Variants in C4BPA observed in about 807,000 individuals in gnomAD.
The protein encoded by C4BPA is complement component 4 binding protein alpha, also known as C4b-binding protein alpha chain.
A neutral mutation model predicts 63.7 loss-of-function variants in C4BPA; 31 were observed. The observed-to-expected ratio is 0.49, with a 90% CI of 0.37 to 0.66. C4BPA has a LOEUF of 0.66. Among genes scored for constraint, C4BPA ranks in the 30% least tolerant of loss-of-function variants. C4BPA has a pLI of 0.00. For synonymous variants in C4BPA, 259 were observed against 254.7 expected (o/e 1.02, Z -0.16); for missense variants, 572 against 723.3 (o/e 0.79, Z 2.40).
chr1:207,141,404 A>G, intron 10 of C4BPA, 128 bp downstream of exon 10: 1 of 649,408 alleles, frequency 1.5e-6, no homozygotes, highest in South Asian at 2.7e-5. Flanking sequence ...TAAATAATCA[A>G]TATATGCAAA....
rs1447497564 is a variant in C4BPA, at chr1:207,126,903, T to A, written c.889+8T>A. ...CTCCTGCTTGTGAGCCCAGTAAGTA[T>A]GGACTGTGACAGAATTTCAATGTTT... On this transcript the variant is annotated splice_region_variant and intron_variant, in intron 7 of 11. Coordinates refer to ENST00000367070, the MANE Select transcript of C4BPA (RefSeq NM_000715.4). The A allele has an allele frequency of 6.2e-7, 1 of 1,608,126 alleles. No homozygotes were observed. The highest frequency in any genetic ancestry group is 1.3e-5 in the African/African-American group (1 of 74,940).
chr1:207,125,125 G>C (rs1292065887), intron 6 of C4BPA, among the ~76,000 whole-genome samples: 1 of 152,160 alleles, frequency 6.6e-6, no homozygotes, highest in African/African-American at 2.4e-5. Flanking sequence ...ACCCACCACA[G>C]GACACAATCA....
At chr1:207,109,794 T>G (rs776478221) in intron 1 of C4BPA, among the ~76,000 whole-genome samples, 11 of 152,228 alleles carry the variant, frequency 7.2e-5, no homozygotes, top group African/African-American at 2.7e-4. Flanking sequence ...CCTTGACTAG[T>G]TGATGATATG....
chr1:207,130,540 C>G (rs1286385402), intron 7 of C4BPA, among the ~76,000 whole-genome samples: 1 of 152,044 alleles, frequency 6.6e-6, no homozygotes, highest in African/African-American at 2.4e-5. Flanking sequence ...CCAAACAACC[C>G]AAATGCCCAT....
intron 1 of C4BPA, among the ~76,000 whole-genome samples, chr1:207,106,740 C>T (rs1572771290): frequency 6.6e-6 from 1 of 152,228 alleles, no homozygotes; most frequent in Admixed American, 6.5e-5. Flanking sequence ...TGCACCCGGC[C>T]TCCTCTGTGT....
At chr1:207,111,185 G>A (rs1684660680) in intron 1 of C4BPA, among the ~76,000 whole-genome samples, 1 of 152,212 alleles carries the variant, frequency 6.6e-6, no homozygotes, top group South Asian at 2.1e-4. Flanking sequence ...AGGGCAGAGA[G>A]GAGCATAGAG....
chr1:207,132,254 C>T (rs750714703), intron 8 of C4BPA, among the ~76,000 whole-genome samples: 5 of 152,166 alleles, frequency 3.3e-5, no homozygotes, highest in African/African-American at 7.2e-5. Flanking sequence ...ATTCTCACTT[C>T]GTAAGGATAG....
intron 1 of C4BPA, among the ~76,000 whole-genome samples, chr1:207,109,304 A>G (rs1006139500): frequency 1.3e-5 from 2 of 152,160 alleles, no homozygotes; most frequent in South Asian, 2.1e-4. Flanking sequence ...TATGATGACA[A>G]TGTTTTGACA....
intron 4 of C4BPA, 98 bp downstream of exon 4, chr1:207,115,613 A>G: frequency 1.6e-6 from 1 of 620,690 alleles, no homozygotes; most frequent in Non-Finnish European, 2.6e-6. Flanking sequence ...GTAAAAAGAT[A>G]GACGTTGAGA....
intron 4 of C4BPA, among the ~76,000 whole-genome samples, 158 bp from the exon 5 acceptor site, chr1:207,123,764 T>C (rs1436940444): frequency 6.6e-6 from 1 of 152,228 alleles, no homozygotes; most frequent in Non-Finnish European, 1.5e-5. Flanking sequence ...ATTGCAGTAA[T>C]GAAATTTTAC....
chr1:207,104,797 A>G (rs1684526468), intron 1 of C4BPA, among the ~76,000 whole-genome samples: 1 of 152,180 alleles, frequency 6.6e-6, no homozygotes, highest in African/African-American at 2.4e-5. Flanking sequence ...CAGACTTTTC[A>G]AAGGGTTCAC....
intron 7 of C4BPA, among the ~76,000 whole-genome samples, chr1:207,130,602 T>A (rs1158165074): frequency 6.6e-6 from 1 of 152,154 alleles, no homozygotes; most frequent in African/African-American, 2.4e-5. Flanking sequence ...ATAGATTATA[T>A]CATTTGGCAA....
chr1:207,131,452 G>GT, intron 7 of C4BPA, 94 bp from the exon 8 acceptor site: 1 of 822,826 alleles, frequency 1.2e-6, no homozygotes, highest in African/African-American at 1.7e-5. Flanking sequence ...CTGAATGAAC[G>GT]TATGACCCCC....
intron 4 of C4BPA, among the ~76,000 whole-genome samples, chr1:207,116,285 G>A (rs573602544): frequency 3.3e-5 from 5 of 152,108 alleles, no homozygotes; most frequent in African/African-American, 4.8e-5. Context: ...TATTGTCAGG[G>A]AGGTTAAGTA....
rs141556894 is a variant in C4BPA, at chr1:207,131,518, GTTC to G, written c.890-13_890-11del. 5,340 of 1,434,260 alleles carry G rather than the reference GTTC, an allele frequency of 3.7e-3. 80 individuals carry two copies. The African/African-American group carries it at 0.048, about 13-fold the overall frequency. 88.8% of individuals were successfully genotyped at this position (1,434,260 alleles called of 1,614,324 possible). ...GCAGCCCTAGTAATAGCGTCCTTTT[GTTC>G]TTCTTCTTCTTCTTTCATGAGTAGA... On this transcript the variant is annotated intron_variant, in intron 7 of 11. Coordinates refer to ENST00000367070, the MANE Select transcript of C4BPA (RefSeq NM_000715.4).
intron 4 of C4BPA, among the ~76,000 whole-genome samples, chr1:207,121,726 G>A (rs562852409): frequency 1.2e-4 from 19 of 152,008 alleles, no homozygotes; most frequent in African/African-American, 4.1e-4. Flanking sequence ...TTCTAGTGGT[G>A]ACCTATATAC....
chr1:207,136,980 T>C (rs1685292182), intron 9 of C4BPA, among the ~76,000 whole-genome samples: 1 of 152,226 alleles, frequency 6.6e-6, no homozygotes, highest in Non-Finnish European at 1.5e-5. Flanking sequence ...TTAGTGACTC[T>C]CCTAGAAATT....
At chr1:207,114,538 G>T (rs1055682846) in intron 3 of C4BPA, 16 of 224,960 alleles carry the variant, frequency 7.1e-5, no homozygotes, top group Non-Finnish European at 4.7e-5. Flanking sequence ...CTGTCTCCCA[G>T]GCTGGAGTGC....
Position 207,131,682 on chromosome 1 carries a change from G to A in C4BPA, c.1026G>A (p.Glu342=). 6.2e-7 allele frequency: 1 copy of A among 1,613,886 alleles called. No homozygotes were observed. Among genetic ancestry groups the A allele is most frequent in the Non-Finnish European group, 8.5e-7 (1 of 1,179,902 alleles). ...CHPGYKPTTD[E]PTTVICQKNL... The stretch of plus-strand genomic sequence containing the variant: ...CTGGCTACAAACCCACTACAGATGA[G>A]CCTACGACTGTGATTTGTCAGAAAA... The change falls in exon 8 of 12, where the codon GAG becomes GAA. Residue 342 remains glutamate (E), a synonymous_variant. Coordinates refer to ENST00000367070, the MANE Select transcript of C4BPA (RefSeq NM_000715.4).
Sources: allele counts gnomAD v4.1 joint callset (sites outside exome capture counted in the v4.1 genomes callset), GRCh38; gene constraint gnomAD v4.1.1; transcripts MANE v1.5; gene names NCBI Gene and HGNC (gene_info 2026-07-23, HGNC 2026-07-21).